The following COL25A1 variants were observed in gnomAD, a reference collection of about 807,000 sequenced individuals.
COL25A1 encodes collagen alpha-1(XXV) chain.
In COL25A1, 103 loss-of-function variants were observed where a neutral mutation model predicts 128.4. The ratio of observed to expected loss-of-function variants is 0.80; its 90% CI spans 0.68 to 0.94. The LOEUF is 0.94. Among genes scored for constraint, COL25A1 ranks in the 40% least tolerant of loss-of-function variants. COL25A1 has a pLI of 0.00. For missense variants in COL25A1, 745 were observed against 840.0 expected (o/e 0.89, Z 1.40); for synonymous variants, 279 against 277.2 (o/e 1.01, Z -0.06).
At chr4:108,980,552 G>A (rs868237256) in intron 6 of COL25A1, among the ~76,000 whole-genome samples, 12 of 152,162 alleles carry the variant, frequency 7.9e-5, no homozygotes, top group Admixed American at 4.6e-4. Context: ...TGTTGGCAGC[G>A]TCGGCTGGCC....
chr4:109,008,744 TACATGCGCGCGC>T (rs765176968), intron 6 of COL25A1, among the ~76,000 whole-genome samples: 84 of 151,386 alleles, frequency 5.5e-4, no homozygotes, highest in Middle Eastern at 3.4e-3. Flanking sequence ...TTTATACACA[TACATGCGCGCGC>T]ACACACACAC....
In COL25A1 at chr4:109,237,293, C is replaced by T. The variant is rs1779539455; in HGVS notation, c.367+63290G>A. 3.3e-5 allele frequency among the ~76,000 whole-genome samples: 5 copies of T among 151,998 alleles called. No individual in the cohort carries two copies. The South Asian group carries it at 1.0e-3, about 31-fold the overall frequency. ...GAGGCATAACTGCTCAAATAAATGG[C>T]ACAGCTAGGGAAATAGAAAGGAAGG... On this transcript the variant is annotated intron_variant, in intron 3 of 37. Coordinates refer to ENST00000399132, the MANE Select transcript of COL25A1 (RefSeq NM_198721.4).
chr4:109,217,546 T>G (rs1778090025), intron 3 of COL25A1, among the ~76,000 whole-genome samples: 1 of 130,458 alleles, frequency 7.7e-6, no homozygotes, highest in Non-Finnish European at 1.6e-5. Context: ...TTGAAATGTA[T>G]AATGCAATGT....
intron 3 of COL25A1, among the ~76,000 whole-genome samples, chr4:109,185,429 A>G (rs554071758): frequency 3.9e-5 from 6 of 152,200 alleles, no homozygotes; most frequent in Non-Finnish European, 8.8e-5. Context: ...CTCTATGGAT[A>G]ATCAGTCAGT....
chr4:108,876,415 GA>G (rs1259092075), intron 19 of COL25A1, among the ~76,000 whole-genome samples: 5 of 152,020 alleles, frequency 3.3e-5, no homozygotes, highest in African/African-American at 1.2e-4. Flanking sequence ...ATTAAATCCA[GA>G]TTTAATCTGT....
chr4:108,854,416 C>A (rs924846417), intron 24 of COL25A1, among the ~76,000 whole-genome samples: 2 of 152,042 alleles, frequency 1.3e-5, no homozygotes, highest in Non-Finnish European at 2.9e-5. Flanking sequence ...AAACTACCAT[C>A]AGAGTGAACA....
chr4:108,901,914 C>T (rs1021955781), intron 13 of COL25A1, among the ~76,000 whole-genome samples: 1 of 151,944 alleles, frequency 6.6e-6, no homozygotes, highest in Non-Finnish European at 1.5e-5. Context: ...TGCCCAGAAA[C>T]AAGGAAAAGA....
Position 109,050,197 on chromosome 4 carries a change from A to AT in COL25A1, c.368-19dup. 6.3e-7 allele frequency: 1 copy of AT among 1,598,264 alleles called. No individual in the cohort carries two copies. The highest frequency in any genetic ancestry group is 8.6e-7 in the Non-Finnish European group (1 of 1,169,490). On this transcript the variant is annotated intron_variant, in intron 3 of 37. Transcript: ENST00000399132. Reference sequence around the variant, plus strand: ...TGGAGGGCCTGAAATACAAAGGATAATTTTTTTAGTGTAGTTTAATTCTTT... The same window carrying AT: ...TGGAGGGCCTGAAATACAAAGGATAATTTTTTTTAGTGTAGTTTAATTCTTT...
chr4:108,990,627 A>ATTAG (rs2126012402), intron 6 of COL25A1, among the ~76,000 whole-genome samples: 1 of 152,212 alleles, frequency 6.6e-6, no homozygotes, highest in East Asian at 1.9e-4. Context: ...ACCACCTCTA[A>ATTAG]GGGCAATATC....
chr4:109,292,271 A>T (rs1436631421), intron 3 of COL25A1, among the ~76,000 whole-genome samples: 1 of 152,082 alleles, frequency 6.6e-6, no homozygotes, highest in Non-Finnish European at 1.5e-5. Flanking sequence ...TTTCATTTTT[A>T]AAAAAGGTTC....
At chr4:108,875,372 A>G (rs1180109895) in intron 19 of COL25A1, among the ~76,000 whole-genome samples, 1 of 152,224 alleles carries the variant, frequency 6.6e-6, no homozygotes, top group Non-Finnish European at 1.5e-5. Flanking sequence ...CAAGAAAAAA[A>G]CAAATAACCC....
chr4:108,982,284 C>T (rs1249529272), intron 6 of COL25A1, among the ~76,000 whole-genome samples: 4 of 152,048 alleles, frequency 2.6e-5, no homozygotes, highest in African/African-American at 4.8e-5. Context: ...CCTGGGGGGA[C>T]GGTGGAAATA....
intron 11 of COL25A1, among the ~76,000 whole-genome samples, chr4:108,929,117 TTTTTG>T (rs151049059): frequency 0.025 from 3,773 of 152,082 alleles, 142 homozygotes; most frequent in African/African-American, 0.084. Flanking sequence ...GGTTGTTTCT[TTTTTG>T]TTTTGTTTTG....
intron 8 of COL25A1, among the ~76,000 whole-genome samples, chr4:108,944,306 T>C (rs1156972753): frequency 6.6e-6 from 1 of 152,210 alleles, no homozygotes; most frequent in East Asian, 1.9e-4. Flanking sequence ...TGAAAACAGA[T>C]GTATACAATT....
At chr4:109,166,484 A>G (rs1247794703) in intron 3 of COL25A1, among the ~76,000 whole-genome samples, 1 of 152,194 alleles carries the variant, frequency 6.6e-6, no homozygotes. Context: ...GGTGCATAGA[A>G]TTCTAATTTT....
intron 3 of COL25A1, among the ~76,000 whole-genome samples, chr4:109,256,730 C>T (rs531757980): frequency 1.3e-5 from 2 of 152,198 alleles, no homozygotes; most frequent in East Asian, 3.9e-4. Context: ...TCATTATAGG[C>T]GTCTTGGTAA....
At chr4:108,928,618 C>T (rs1261235007) in intron 11 of COL25A1, among the ~76,000 whole-genome samples, 5 of 152,112 alleles carry the variant, frequency 3.3e-5, no homozygotes, top group Non-Finnish European at 7.4e-5. Flanking sequence ...CTTCCTACAA[C>T]CTCTGCCTCC....
intron 5 of COL25A1, chr4:109,021,846 C>A: frequency 2.4e-6 from 1 of 420,646 alleles, no homozygotes. Flanking sequence ...GAGATACACC[C>A]TGGTCTCCTG....
At chr4:108,951,014 G>T (rs1749359312) in intron 8 of COL25A1, among the ~76,000 whole-genome samples, 1 of 152,212 alleles carries the variant, frequency 6.6e-6, no homozygotes, top group Non-Finnish European at 1.5e-5. Context: ...TTGCAGTGAA[G>T]TGTGGACTGG....
Sources: allele counts gnomAD v4.1 joint callset (sites outside exome capture counted in the v4.1 genomes callset), GRCh38; gene constraint gnomAD v4.1.1; transcripts MANE v1.5; gene names NCBI Gene and HGNC (gene_info 2026-07-23, HGNC 2026-07-21).